Variants in GTF3C5 observed in about 807,000 individuals in gnomAD.
GTF3C5 encodes the protein general transcription factor IIIC subunit 5.
Under a neutral mutation model 61.0 loss-of-function variants are expected in GTF3C5, and 47 were observed. The ratio of observed to expected loss-of-function variants is 0.77; its 90% CI spans 0.61 to 0.98. The LOEUF (loss-of-function observed/expected upper bound fraction) is 0.98. GTF3C5 is among the 50% of genes least tolerant of loss of function. The probability of loss-of-function intolerance (pLI) is 0.00; values close to 1 mark genes in which losing one functional copy is unlikely to be tolerated. For synonymous variants in GTF3C5, 295 were observed against 275.4 expected, an observed-to-expected ratio of 1.07 and a Z score of -0.71; for missense variants, 659 against 703.3, an observed-to-expected ratio of 0.94 and a Z score of 0.71.
intron 3 of GTF3C5, among the ~76,000 whole-genome samples, chr9:133,046,812 G>C (rs1408046349): frequency 6.6e-6 from 1 of 152,142 alleles, no homozygotes; most frequent in Non-Finnish European, 1.5e-5. Context: ...GAGCCAGCCA[G>C]GTGAAGATCC....
intron 1 of GTF3C5, among the ~76,000 whole-genome samples, chr9:133,034,888 A>G (rs915335005): frequency 3.3e-5 from 5 of 151,700 alleles, no homozygotes; most frequent in African/African-American, 1.2e-4. Flanking sequence ...GGCAACCCAT[A>G]TAGCATTTCA....
chr9:133,037,525 G>T (rs1014847560), intron 1 of GTF3C5, among the ~76,000 whole-genome samples: 2 of 152,100 alleles, frequency 1.3e-5, no homozygotes, highest in Non-Finnish European at 2.9e-5. Context: ...TGTATGGTGG[G>T]GGGGTGGGAC....
chr9:133,044,147 A>C (rs1046085393), intron 3 of GTF3C5: 9 of 77,420 alleles, frequency 1.2e-4, no homozygotes, highest in South Asian at 4.0e-4. Context: ...TTTGTCTCCC[A>C]AAAAAAAAAA....
At position 133,053,877 on chromosome 9, in the gene GTF3C5, G is replaced by GA; in HGVS notation, c.929dup (p.Asn310LysfsTer26). The GA allele has an allele frequency of 1.9e-6, 3 of 1,613,420 alleles. No individual in the cohort carries two copies. The highest frequency in any genetic ancestry group is 8.5e-7 in the Non-Finnish European group (1 of 1,179,498). ...TGGATTCGATTTGGGTATGACCCCC[G>GA]AAAAAACCCAGATGCCAAGATTTAT... On this transcript the variant is annotated frameshift_variant, in exon 6 of 11. Transcript: ENST00000372097. LOFTEE classifies it high-confidence loss of function.
chr9:133,031,735 T>C (rs1849738594), intron 1 of GTF3C5, among the ~76,000 whole-genome samples: 1 of 152,222 alleles, frequency 6.6e-6, no homozygotes, highest in Non-Finnish European at 1.5e-5. Flanking sequence ...ACAGCTAGTC[T>C]CTACTGCTGT....
intron 7 of GTF3C5, 92 bp from the exon 8 acceptor site, chr9:133,054,620 G>T (rs1194250408): frequency 4.2e-6 from 6 of 1,412,106 alleles, no homozygotes; most frequent in Non-Finnish European, 5.9e-6. Flanking sequence ...CCTAGGAGGG[G>T]GTGGGCTGGC....
Position 133,055,330 on chromosome 9 carries a change from C to T in GTF3C5, c.1167+521C>T, listed in dbSNP as rs943296563. The T allele has an allele frequency of 5.3e-5, 72 of 1,359,280 alleles. No homozygotes were observed. The Middle Eastern group carries it at 5.9e-4, about 11-fold the overall frequency. The allele number at this position is 1,359,280 out of a possible 1,614,324, so 84.2% of individuals were successfully genotyped here. On this transcript the variant is annotated intron_variant, in intron 8 of 10. Coordinates refer to ENST00000372097, the MANE Select transcript of GTF3C5 (RefSeq NM_012087.4). Reference sequence around the variant, plus strand: ...GGGAGGCCGAGAAGGGGGCATCCCGCACGGTGGAATCACCTGCTGAGGGAG... The same window carrying T: ...GGGAGGCCGAGAAGGGGGCATCCCGTACGGTGGAATCACCTGCTGAGGGAG...
At chr9:133,057,575 C>T (rs1225290559) in intron 10 of GTF3C5, among the ~76,000 whole-genome samples, 2 of 152,180 alleles carry the variant, frequency 1.3e-5, no homozygotes, top group African/African-American at 2.4e-5. Context: ...GTGTTCACTC[C>T]TGAGGGTCCA....
At chr9:133,036,431 G>A (rs190418576) in intron 1 of GTF3C5, among the ~76,000 whole-genome samples, 124 of 152,258 alleles carry the variant, frequency 8.1e-4, no homozygotes, top group Non-Finnish European at 1.6e-3. Context: ...TAACAAAGCC[G>A]TAGCCGCAAT....
chr9:133,030,881 T>C, upstream of GTF3C5: 1 of 1,093,788 alleles, frequency 9.1e-7, no homozygotes, highest in Non-Finnish European at 1.4e-6. Flanking sequence ...CGCGTCTTGC[T>C]GAGCCCGGGG....
intron 4 of GTF3C5, 67 bp from the exon 5 acceptor site, chr9:133,051,993 G>A (rs1318472090): frequency 1.3e-6 from 1 of 795,962 alleles, no homozygotes; most frequent in Non-Finnish European, 2.1e-6. Flanking sequence ...AGAACATGTT[G>A]GGAGTTCAGG....
chr9:133,048,818 C>T (rs1850284424), intron 3 of GTF3C5, among the ~76,000 whole-genome samples: 1 of 152,226 alleles, frequency 6.6e-6, no homozygotes, highest in Admixed American at 6.5e-5. Flanking sequence ...TGCCCTCGGG[C>T]CCCAAGGCCC....
chr9:133,031,071 G>A lies in GTF3C5; in HGVS notation c.60G>A (p.Arg20=), dbSNP rs1391630650. ...CCGCCGTCCCCGTGGAGCTGAGGCG[G>A]GAGCGACGCATGGTGTGCGTGGAGT... The part of the protein sequence containing the change: ...LGAAVPVELR[R]ERRMVCVEYP... The change falls in exon 1 of 11, where the codon CGG becomes CGA. Residue 20 remains arginine (R), a synonymous_variant. Coordinates refer to ENST00000372097, the MANE Select transcript of GTF3C5 (RefSeq NM_012087.4). The A allele has an allele frequency of 5.6e-6, 9 of 1,611,120 alleles. No individual in the cohort carries two copies. In the South Asian group the frequency reaches 8.8e-5, roughly 16 times the overall value.
chr9:133,054,530 C>T (rs1396497534), intron 7 of GTF3C5, 42 bp downstream of exon 7: 2 of 1,583,316 alleles, frequency 1.3e-6, no homozygotes, highest in South Asian at 2.2e-5. Flanking sequence ...GAGTGATTTG[C>T]CAAGGAAGGC....
chr9:133,030,969 C>A (rs1255373845), upstream of GTF3C5: 1 of 1,608,872 alleles, frequency 6.2e-7, no homozygotes. Flanking sequence ...TTTGGGAGTA[C>A]TTTGTGGGAC....
At chr9:133,039,577 G>C (rs1327298868) in intron 1 of GTF3C5, among the ~76,000 whole-genome samples, 1 of 152,068 alleles carries the variant, frequency 6.6e-6, no homozygotes, top group Non-Finnish European at 1.5e-5. Flanking sequence ...CTAGTTTTTG[G>C]TATTTTTTGT....
intron 8 of GTF3C5, 134 bp downstream of exon 8, chr9:133,054,943 G>GT: frequency 6.4e-7 from 1 of 1,550,736 alleles, no homozygotes; most frequent in Non-Finnish European, 8.7e-7. Context: ...CTTCCTTTTA[G>GT]GTCAGCCTTC....
At chr9:133,054,102 G>A (rs949200448) in intron 6 of GTF3C5, among the ~76,000 whole-genome samples, 160 bp downstream of exon 6, 7 of 152,196 alleles carry the variant, frequency 4.6e-5, no homozygotes, top group Non-Finnish European at 1.0e-4. Context: ...GCGTGGAAAC[G>A]AAAGTCCTAG....
Position 133,050,942 on chromosome 9 carries a change from C to T in GTF3C5, c.732C>T (p.Asn244=). The T allele has an allele frequency of 6.2e-7, 1 of 1,612,492 alleles. No individual in the cohort carries two copies. The highest frequency in any genetic ancestry group is 2.2e-5 in the East Asian group (1 of 44,776). Residue 244 remains asparagine (N), a synonymous_variant, in exon 4 of 11, where the codon AAC becomes AAT. Coordinates refer to ENST00000372097, the MANE Select transcript of GTF3C5 (RefSeq NM_012087.4). ...AAQTWRRVCT[N]PVDRKVEEEL... ...AGACGTGGAGGAGAGTCTGCACTAA[C>T]CCCGTGGACCGGAAGGTGGAGGAGG...
Sources: gnomAD v4.1 joint callset for allele counts (sites outside exome capture counted in the v4.1 genomes callset) on GRCh38, gnomAD v4.1.1 for gene constraint, MANE v1.5 for transcripts, NCBI Gene and HGNC (gene_info 2026-07-23, HGNC 2026-07-21) for gene names.